The following ATAD3B variants were observed in gnomAD, a reference collection of about 807,000 sequenced individuals.
The protein encoded by ATAD3B is ATPase family AAA domain containing 3B.
Under a neutral mutation model 70.2 loss-of-function variants are expected in ATAD3B, and 59 were observed. The ratio of observed to expected loss-of-function variants is 0.84; its 90% confidence interval spans 0.68 to 1.04. ATAD3B has a LOEUF of 1.04. ATAD3B is among the 50% of genes least tolerant of loss of function. The probability of loss-of-function intolerance (pLI) is 0.00; values close to 1 mark genes in which losing one functional copy is unlikely to be tolerated. For missense variants in ATAD3B, 961 were observed against 913.4 expected (o/e 1.05, Z -0.67); for synonymous variants, 423 against 388.6 (o/e 1.09, Z -1.04).
In ATAD3B at chr1:1,497,798, A is replaced by C. The variant is rs931988663; in HGVS notation, c.*1981A>C. On this transcript the variant is annotated 3_prime_UTR_variant, in exon 16 of 16. Transcript: ENST00000673477. ...GGAGACTCGCTTGGACCTGGGAGGG[A>C]GAGGTTGCAGTGAGCCGAGATCACG... is the stretch of plus-strand genomic sequence containing the variant. The C allele has an allele frequency of 1.9e-4, 28 of 145,108 alleles. 2 individuals carry two copies. Among genetic ancestry groups the C allele is most frequent in the African/African-American group, 7.1e-4 (27 of 38,102 alleles). The allele number at this position is 145,108 out of a possible 1,614,324, so 9.0% of individuals were successfully genotyped here.
rs148302536 is a variant in ATAD3B at position 1,495,798 on chromosome 1, C to G, written c.1928C>G (p.Pro643Arg). ...GGTGGCGGTCGGCCGTTCTGCCCCCCAGGGCACCCCCTGTTGTAGGCACTG... is the reference window on the plus strand; with the variant it reads ...GGTGGCGGTCGGCCGTTCTGCCCCCGAGGGCACCCCCTGTTGTAGGCACTG... ...SCGGGRPFCP[P>R]GHPLL The change falls in exon 16 of 16, where the codon CCA becomes CGA. Residue 643 changes from proline (P) to arginine (R), a missense_variant. Transcript: ENST00000673477. The G allele has an allele frequency of 1.9e-6, 3 of 1,590,836 alleles. No homozygotes were observed. Among genetic ancestry groups the G allele is most frequent in the Non-Finnish European group, 1.7e-6 (2 of 1,168,128 alleles).
At position 1,489,187 on chromosome 1, in the gene ATAD3B, G is replaced by A; in HGVS notation, c.1267-17G>A. On this transcript the variant is annotated splice_polypyrimidine_tract_variant and intron_variant, in intron 12 of 15. Transcript: ENST00000673477. ...GCTTTGCTTCTGGTGCCTAAGGCTG[G>A]AACCTTCTCTCTGCAGGAGGAGATA... 1 of 1,613,334 alleles carries A rather than the reference G, an allele frequency of 6.2e-7. No individual in the cohort carries two copies. The highest frequency in any genetic ancestry group is 1.3e-5 in the African/African-American group (1 of 75,032).
the ATAD3B span, chr1:1,509,374 A>T: frequency 1.2e-6 from 2 of 1,605,824 alleles, no homozygotes; most frequent in Admixed American, 1.7e-5. Flanking sequence ...ACCACACCTC[A>T]CGGAGCCTGG....
chr1:1,482,062 G>T (rs1639937445), intron 5 of ATAD3B, 76 bp from the exon 6 acceptor site: 10 of 1,544,950 alleles, frequency 6.5e-6, no homozygotes, highest in Non-Finnish European at 7.9e-6. Flanking sequence ...TCCGTGGCGT[G>T]GGCCGGTCCA....
chr1:1,480,682 C>A (rs928170158), intron 4 of ATAD3B, among the ~76,000 whole-genome samples, 185 bp from the exon 5 acceptor site: 1 of 147,200 alleles, frequency 6.8e-6, no homozygotes, highest in Admixed American at 6.9e-5. Flanking sequence ...CTGAACCCAT[C>A]CCCTCAGTGA....
intron 15 of ATAD3B, among the ~76,000 whole-genome samples, chr1:1,491,163 G>C (rs1570271244): frequency 6.6e-6 from 1 of 152,054 alleles, no homozygotes; most frequent in Admixed American, 6.6e-5. Flanking sequence ...GTTCCTCGGA[G>C]GCACCCCTCC....
chr1:1,503,586 C>G, the ATAD3B span: 4 of 1,611,176 alleles, frequency 2.5e-6, no homozygotes, highest in African/African-American at 1.3e-5. Context: ...GCCTGCAGGC[C>G]ACATCAAAGG....
At chr1:1,474,636 A>G (rs370470840) in intron 1 of ATAD3B, among the ~76,000 whole-genome samples, 8 of 152,118 alleles carry the variant, frequency 5.3e-5, no homozygotes, top group African/African-American at 1.9e-4. Context: ...AGTAGCTGGG[A>G]TCACAGGCGC....
rs771416113 is a variant in ATAD3B, at chr1:1,482,196, C to G, written c.573C>G (p.Thr191=). 10 of 1,610,874 alleles carry G rather than the reference C, an allele frequency of 6.2e-6. No individual in the cohort carries two copies. The East Asian group carries it at 2.2e-4, about 36-fold the overall frequency. ...AGAATGAGATGCTGCGAGTGGAGAC[C>G]GAGGCCCGGGCGCGCGCCAAGGCCG... ...RHKNEMLRVE[T]EARARAKAER... is the part of the protein sequence containing the mutation. Residue 191 remains threonine (T), a synonymous_variant, in exon 6 of 16, where the codon ACC becomes ACG. Coordinates refer to ENST00000673477, the MANE Select transcript of ATAD3B (RefSeq NM_031921.6).
At chr1:1,483,008 A>T (rs1484598611) in intron 7 of ATAD3B, 1 of 459,622 alleles carries the variant, frequency 2.2e-6, no homozygotes, top group Non-Finnish European at 4.3e-6. Context: ...CTCAAGAAAA[A>T]AATGGCCAGG....
the ATAD3B span, among the ~76,000 whole-genome samples, chr1:1,507,381 AG>A: frequency 6.6e-6 from 1 of 152,278 alleles, no homozygotes; most frequent in South Asian, 2.1e-4. Context: ...TTCTCATAAA[AG>A]GGTGTTGAAT....
At chr1:1,488,138 G>T (rs540635159) in intron 12 of ATAD3B, among the ~76,000 whole-genome samples, 1 of 151,998 alleles carries the variant, frequency 6.6e-6, no homozygotes, top group African/African-American at 2.4e-5. Context: ...TGTATTTTTA[G>T]TAGAGATGGG....
intron 12 of ATAD3B, among the ~76,000 whole-genome samples, chr1:1,488,537 G>C (rs548380475): frequency 2.0e-5 from 3 of 152,172 alleles, no homozygotes; most frequent in Admixed American, 6.6e-5. Flanking sequence ...AAGGCAGGTG[G>C]ATGACGAGGT....
the ATAD3B span, chr1:1,503,562 C>G: frequency 6.2e-7 from 1 of 1,603,110 alleles, no homozygotes; most frequent in East Asian, 2.2e-5. Context: ...AACACCCGCC[C>G]TCTGTGCCCC....
chr1:1,487,627 G>C (rs1640294866), intron 11 of ATAD3B, among the ~76,000 whole-genome samples: 1 of 152,088 alleles, frequency 6.6e-6, no homozygotes, highest in African/African-American at 2.4e-5. Flanking sequence ...GCAGGGCAGA[G>C]TCTGTTGCCC....
chr1:1,485,648 C>T (rs1640167721), intron 8 of ATAD3B, 134 bp from the exon 9 acceptor site: 7 of 1,419,716 alleles, frequency 4.9e-6, no homozygotes, highest in Non-Finnish European at 6.7e-6. Context: ...GGGCAGGGTT[C>T]CAGCTCCGGG....
chr1:1,492,330 AC>A (rs1640580561), intron 15 of ATAD3B, among the ~76,000 whole-genome samples: 1 of 151,472 alleles, frequency 6.6e-6, no homozygotes, highest in Non-Finnish European at 1.5e-5. Context: ...TACAAAAAAT[AC>A]GAAAATTAGC....
the ATAD3B span, chr1:1,509,101 C>T: frequency 1.4e-6 from 2 of 1,474,700 alleles, no homozygotes; most frequent in Non-Finnish European, 1.8e-6. Context: ...CTCAGGCCAT[C>T]CTGGAGCCCC....
chr1:1,484,636 G>A (rs1557804412), intron 7 of ATAD3B: 2 of 218,364 alleles, frequency 9.2e-6, no homozygotes, highest in Non-Finnish European at 1.8e-5. Context: ...TTTAAAACAA[G>A]TTAGAGATTT....
Sources: gnomAD v4.1 joint callset for allele counts (sites outside exome capture counted in the v4.1 genomes callset) on GRCh38, gnomAD v4.1.1 for gene constraint, MANE v1.5 for transcripts, NCBI Gene and HGNC (gene_info 2026-07-23, HGNC 2026-07-21) for gene names.